CDH12: variants seen among roughly 807,000 people sequenced by gnomAD.
The protein encoded by CDH12 is cadherin 12.
CDH12 carries 41 observed loss-of-function variants against 74.1 expected under a neutral mutation model. That is an observed-to-expected ratio of 0.55 (90% confidence interval 0.43 to 0.72). The LOEUF is 0.72. Ranked by LOEUF, CDH12 falls within the 30% of genes least tolerant of loss-of-function variation. CDH12 has a pLI of 0.00. For synonymous variants in CDH12, 399 were observed against 355.0 expected (o/e 1.12, Z -1.39); for missense variants, 945 against 977.2 (o/e 0.97, Z 0.44).
intron 1 of CDH12, among the ~76,000 whole-genome samples, chr5:22,714,827 T>C (rs955342344): frequency 3.3e-5 from 5 of 152,200 alleles, no homozygotes; most frequent in African/African-American, 1.2e-4. Context: ...CCATTTAAAA[T>C]TGAATTCTGG....
chr5:21,799,410 A>C (rs1255438072), intron 10 of CDH12, among the ~76,000 whole-genome samples: 1 of 152,192 alleles, frequency 6.6e-6, no homozygotes, highest in Non-Finnish European at 1.5e-5. Context: ...GAAATATCTC[A>C]GCCCCGTCCG....
intron 1 of CDH12, among the ~76,000 whole-genome samples, chr5:22,836,010 T>C (rs1039799237): frequency 6.6e-6 from 1 of 152,136 alleles, no homozygotes; most frequent in Non-Finnish European, 1.5e-5. Context: ...AGCTGAGCTA[T>C]TGTTCAACTG....
intron 1 of CDH12, among the ~76,000 whole-genome samples, chr5:22,731,304 T>C (rs1561609119): frequency 6.6e-6 from 1 of 151,808 alleles, no homozygotes; most frequent in African/African-American, 2.4e-5. Context: ...AATAAAAGTT[T>C]ATGTAAAAAA....
At chr5:22,612,971 T>G (rs1237357628) in intron 1 of CDH12, among the ~76,000 whole-genome samples, 1 of 151,998 alleles carries the variant, frequency 6.6e-6, no homozygotes, top group South Asian at 2.1e-4. Context: ...GAAGATGGAG[T>G]GTAGCAGAGC....
At chr5:22,093,783 G>A (rs913724179) in intron 4 of CDH12, among the ~76,000 whole-genome samples, 17 of 152,236 alleles carry the variant, frequency 1.1e-4, no homozygotes, top group Admixed American at 2.6e-4. Context: ...AAGTTATATC[G>A]CAATAAAGTT....
chr5:22,301,303 CA>C (rs1365175886), intron 3 of CDH12, among the ~76,000 whole-genome samples: 1 of 152,150 alleles, frequency 6.6e-6, no homozygotes, highest in African/African-American at 2.4e-5. Flanking sequence ...AAATAGTTGT[CA>C]GGGGCACACT....
At chr5:21,893,363 A>C (rs1488237708) in intron 6 of CDH12, among the ~76,000 whole-genome samples, 1 of 152,178 alleles carries the variant, frequency 6.6e-6, no homozygotes, top group Non-Finnish European at 1.5e-5. Context: ...GGAGAGAACA[A>C]AATGAAGTCC....
rs551603268 is a variant in CDH12, at chr5:21,754,321, G to A, written c.1885+1270C>T. Among the ~76,000 whole-genome samples the A allele has an allele frequency of 3.3e-5, 5 of 152,144 alleles. No homozygotes were observed. In the South Asian group the frequency reaches 1.0e-3, roughly 32 times the overall value. ...CTTTCAAAATATAGGAATACTCCAG[G>A]ACTCAGCTACAAGAGAAGAGAGGCA... On this transcript the variant is annotated intron_variant, in intron 14 of 14. Coordinates refer to ENST00000382254, the MANE Select transcript of CDH12 (RefSeq NM_004061.5).
At position 22,793,253 on chromosome 5, in the gene CDH12, C is replaced by T. The variant is rs374957293; in HGVS notation, c.-523+59805G>A. 4.6e-5 allele frequency among the ~76,000 whole-genome samples: 7 copies of T among 152,306 alleles called. No individual in the cohort carries two copies. The East Asian group carries it at 1.4e-3, about 29-fold the overall frequency. Reference sequence around the variant, plus strand: ...TTTTAGATTTGGGGTCAAAACCTTACATTTATCAGTTTTAAAAGCTTCTTA... The same window carrying T: ...TTTTAGATTTGGGGTCAAAACCTTATATTTATCAGTTTTAAAAGCTTCTTA... On this transcript the variant is annotated intron_variant, in intron 1 of 14. Transcript: ENST00000382254.
chr5:22,689,041 T>C (rs1038256617), intron 1 of CDH12, among the ~76,000 whole-genome samples: 2 of 152,158 alleles, frequency 1.3e-5, no homozygotes, highest in African/African-American at 4.8e-5. Context: ...AGGAGAAATG[T>C]TAAGAAGAGG....
chr5:21,915,630 C>A (rs1754050395), intron 6 of CDH12, among the ~76,000 whole-genome samples: 1 of 152,130 alleles, frequency 6.6e-6, no homozygotes, highest in African/African-American at 2.4e-5. Flanking sequence ...ACAAACCCTG[C>A]TGTTATTTCT....
chr5:22,093,459 T>C (rs1323143573), intron 4 of CDH12, among the ~76,000 whole-genome samples: 1 of 152,214 alleles, frequency 6.6e-6, no homozygotes, highest in East Asian at 1.9e-4. Flanking sequence ...AAAGTCCTCA[T>C]GCCTGCTACA....
chr5:22,794,083 C>G (rs1006142477), intron 1 of CDH12, among the ~76,000 whole-genome samples: 6 of 152,146 alleles, frequency 3.9e-5, no homozygotes, highest in Non-Finnish European at 8.8e-5. Context: ...CTCAAACCCC[C>G]CACATCTGGC....
chr5:21,856,524 AC>A lies in CDH12; in HGVS notation c.527-1735del, dbSNP rs1561246563. On this transcript the variant is annotated intron_variant, in intron 6 of 14. Transcript: ENST00000382254. ...AGAAATAAGAAATATTTAGTGAAAA[AC>A]ATTAATAAAATTTGCCAAACTAATA... Among the ~76,000 whole-genome samples, 6 of 151,804 alleles carry A rather than the reference AC, an allele frequency of 4.0e-5. No individual in the cohort carries two copies. In the South Asian group the frequency reaches 1.2e-3, roughly 31 times the overall value.
chr5:22,785,366 T>C (rs571906291), intron 1 of CDH12, among the ~76,000 whole-genome samples: 25 of 152,282 alleles, frequency 1.6e-4, no homozygotes, highest in African/African-American at 5.8e-4. Flanking sequence ...ATCAATGTTA[T>C]TAAAATTTAA....
intron 1 of CDH12, among the ~76,000 whole-genome samples, chr5:22,790,412 C>A (rs1747848031): frequency 6.6e-6 from 1 of 152,080 alleles, no homozygotes; most frequent in Admixed American, 6.6e-5. Context: ...ATTTGCCAGA[C>A]TATAAATAGA....
chr5:22,198,561 A>G (rs1750751847), intron 4 of CDH12, among the ~76,000 whole-genome samples: 1 of 152,196 alleles, frequency 6.6e-6, no homozygotes, highest in African/African-American at 2.4e-5. Context: ...CTCTATTTGT[A>G]TAAGTAGTTA....
At chr5:21,963,718 T>C (rs1193216144) in intron 6 of CDH12, among the ~76,000 whole-genome samples, 2 of 152,122 alleles carry the variant, frequency 1.3e-5, no homozygotes, top group Non-Finnish European at 2.9e-5. Context: ...AGAATTCTTC[T>C]CAACTTTCCA....
intron 1 of CDH12, among the ~76,000 whole-genome samples, chr5:22,841,301 A>G (rs1737070048): frequency 6.6e-6 from 1 of 152,136 alleles, no homozygotes; most frequent in African/African-American, 2.4e-5. Context: ...GAAATAGAGG[A>G]CATAAAAGGG....
Sources: allele counts gnomAD v4.1 joint callset (sites outside exome capture counted in the v4.1 genomes callset), GRCh38; gene constraint gnomAD v4.1.1; transcripts MANE v1.5; gene names NCBI Gene and HGNC (gene_info 2026-07-23, HGNC 2026-07-21).